ARHGAP32: variants seen among roughly 807,000 people sequenced by gnomAD.
ARHGAP32 encodes the protein rho GTPase-activating protein 32.
A neutral mutation model predicts 186.5 loss-of-function variants in ARHGAP32; 51 were observed. The observed-to-expected ratio is 0.27, with a 90% CI of 0.22 to 0.35. The LOEUF (loss-of-function observed/expected upper bound fraction) is 0.35, where lower values mean the gene tolerates loss of function less well. ARHGAP32 is among the 10% of genes least tolerant of loss of function. The probability of loss-of-function intolerance (pLI) is 1.00; values close to 1 mark genes in which losing one functional copy is unlikely to be tolerated. For missense variants in ARHGAP32, 2,186 were observed against 2,623.5 expected (o/e 0.83, Z 3.64); for synonymous variants, 950 against 964.3 (o/e 0.99, Z 0.27).
At chr11:129,018,639 A>T (rs1353614485) in intron 11 of ARHGAP32, among the ~76,000 whole-genome samples, 1 of 152,164 alleles carries the variant, frequency 6.6e-6, no homozygotes, top group East Asian at 1.9e-4. Context: ...CTCAGTCTAT[A>T]GCCTTGATTA....
intron 18 of ARHGAP32, among the ~76,000 whole-genome samples, chr11:128,979,496 T>C (rs961318544): frequency 2.6e-5 from 4 of 152,340 alleles, no homozygotes; most frequent in South Asian, 2.1e-4. Flanking sequence ...TATTAAATGA[T>C]GGAGTCAGAA....
intron 11 of ARHGAP32, among the ~76,000 whole-genome samples, chr11:129,039,988 G>A (rs1456973854): frequency 6.6e-6 from 1 of 152,184 alleles, no homozygotes; most frequent in Non-Finnish European, 1.5e-5. Context: ...TGGGAACAAT[G>A]ATTCCCTAGT....
intron 1 of ARHGAP32, among the ~76,000 whole-genome samples, chr11:129,253,631 G>C (rs1046731150): frequency 1.3e-5 from 2 of 152,058 alleles, no homozygotes; most frequent in African/African-American, 4.8e-5. Context: ...TCCTCATAGG[G>C]CAATCAAAAA....
chr11:129,209,792 G>A (rs1197418753), intron 1 of ARHGAP32, among the ~76,000 whole-genome samples: 1 of 152,138 alleles, frequency 6.6e-6, no homozygotes, highest in African/African-American at 2.4e-5. Context: ...TTCAGTGTAT[G>A]AATGTTTTAT....
At chr11:129,095,709 T>C (rs1941711115) in intron 5 of ARHGAP32, among the ~76,000 whole-genome samples, 1 of 152,124 alleles carries the variant, frequency 6.6e-6, no homozygotes, top group Admixed American at 6.5e-5. Context: ...ACAGCTACCC[T>C]CAAAGCTCTT....
At chr11:129,017,447 CAAA>C (rs71472084) in intron 11 of ARHGAP32, among the ~76,000 whole-genome samples, 8 of 89,576 alleles carry the variant, frequency 8.9e-5, no homozygotes, top group Admixed American at 2.7e-4. Context: ...GACCCGGTCT[CAAA>C]AAAAAAAAAA....
chr11:129,034,072 T>C (rs1003556528), intron 11 of ARHGAP32, among the ~76,000 whole-genome samples: 13 of 152,216 alleles, frequency 8.5e-5, no homozygotes, highest in African/African-American at 2.7e-4. Context: ...TATTTCCATA[T>C]ACATTTTAGA....
At chr11:129,245,710 G>T (rs988496919) in intron 1 of ARHGAP32, among the ~76,000 whole-genome samples, 2 of 148,622 alleles carry the variant, frequency 1.3e-5, no homozygotes, top group African/African-American at 4.9e-5. Flanking sequence ...ATGTATGAAG[G>T]TAACAATTTT....
intron 1 of ARHGAP32, among the ~76,000 whole-genome samples, chr11:129,178,205 G>C (rs12361944): frequency 1.3e-5 from 2 of 151,612 alleles, no homozygotes; most frequent in South Asian, 4.2e-4. Flanking sequence ...GCTTCAAAGA[G>C]AATAAAATAC....
chr11:129,085,986 T>A, intron 6 of ARHGAP32, among the ~76,000 whole-genome samples: 3 of 138,214 alleles, frequency 2.2e-5, no homozygotes, highest in Non-Finnish European at 1.5e-5. Context: ...AGAGCAAGAC[T>A]CCATCTCAAA....
chr11:129,201,972 G>A (rs1944460983), intron 1 of ARHGAP32, among the ~76,000 whole-genome samples: 1 of 152,054 alleles, frequency 6.6e-6, no homozygotes, highest in Admixed American at 6.6e-5. Flanking sequence ...AACAGAGCAA[G>A]AGCCTGTCTC....
intron 1 of ARHGAP32, among the ~76,000 whole-genome samples, chr11:129,278,895 C>A (rs1945570889): frequency 6.7e-6 from 1 of 148,228 alleles, no homozygotes; most frequent in Admixed American, 6.7e-5. Context: ...ACGCCCGGCT[C>A]GCGGAGGCCG....
intron 2 of ARHGAP32, among the ~76,000 whole-genome samples, chr11:129,151,558 G>T (rs184142147): frequency 3.3e-5 from 5 of 151,954 alleles, no homozygotes; most frequent in Admixed American, 2.0e-4. Context: ...AAATTAACTC[G>T]AAAAGGAACA....
intron 11 of ARHGAP32, among the ~76,000 whole-genome samples, chr11:129,026,898 G>A (rs1485189939): frequency 6.0e-5 from 9 of 150,582 alleles, no homozygotes; most frequent in Non-Finnish European, 8.8e-5. Context: ...AGGAGATCGA[G>A]ACCATCCTGG....
intron 11 of ARHGAP32, among the ~76,000 whole-genome samples, chr11:129,029,212 C>A (rs981801789): frequency 1.6e-4 from 25 of 152,082 alleles, no homozygotes; most frequent in Admixed American, 6.5e-4. Flanking sequence ...AATGTAAACA[C>A]ATTTTATTTA....
chr11:129,081,955 C>T (rs1427899525), intron 6 of ARHGAP32, among the ~76,000 whole-genome samples: 1 of 152,054 alleles, frequency 6.6e-6, no homozygotes, highest in Non-Finnish European at 1.5e-5. Flanking sequence ...TATACACCAA[C>T]AGCAACCAAG....
At chr11:129,246,593 G>A (rs1242452561) in intron 1 of ARHGAP32, among the ~76,000 whole-genome samples, 1 of 152,134 alleles carries the variant, frequency 6.6e-6, no homozygotes, top group Non-Finnish European at 1.5e-5. Flanking sequence ...ACTAGTCAAA[G>A]AACCAGGGCA....
At position 129,088,382 on chromosome 11, in the gene ARHGAP32, C is replaced by A. The variant is rs543303745; in HGVS notation, c.531+5239G>T. The stretch of plus-strand genomic sequence containing the variant: ...GGATCACGAGGTCAGGAGTTCAAGA[C>A]CATCTTGGCCAACATGGTGAAACCC... On this transcript the variant is annotated intron_variant, in intron 6 of 22. Transcript: ENST00000682385. Among the ~76,000 whole-genome samples, 183 of 152,126 alleles carry A rather than the reference C, an allele frequency of 1.2e-3. 3 individuals carry two copies. Among genetic ancestry groups the A allele is most frequent in the African/African-American group, 4.3e-3 (178 of 41,516 alleles).
chr11:129,174,043 C>T (rs1943837216), intron 1 of ARHGAP32, among the ~76,000 whole-genome samples: 1 of 152,236 alleles, frequency 6.6e-6, no homozygotes, highest in Non-Finnish European at 1.5e-5. Flanking sequence ...GTTCATCTCA[C>T]TAGGGAGTGC....
Sources: allele counts gnomAD v4.1 joint callset (sites outside exome capture counted in the v4.1 genomes callset), GRCh38; gene constraint gnomAD v4.1.1; transcripts MANE v1.5; gene names NCBI Gene and HGNC (gene_info 2026-07-23, HGNC 2026-07-21).